SPATA31G1: variants seen among roughly 807,000 people sequenced by gnomAD.
SPATA31G1 encodes SPATA31 subfamily G member 1.
the SPATA31G1 span, chr9:35,044,065 T>C: frequency 1.2e-6 from 2 of 1,614,034 alleles, no homozygotes; most frequent in Non-Finnish European, 1.7e-6. Flanking sequence ...TCAGTCCCTC[T>C]CCTGGAGTCT....
At chr9:35,044,082 A>T in the SPATA31G1 span, 1 of 1,614,064 alleles carries the variant, frequency 6.2e-7, no homozygotes. Context: ...GTCTCTAGTA[A>T]TGGGCCCCCA....
chr9:35,044,920 C>A, the SPATA31G1 span: 1 of 1,614,186 alleles, frequency 6.2e-7, no homozygotes, highest in Non-Finnish European at 8.5e-7. Flanking sequence ...GCCCCACTCT[C>A]CCAGAGATGG....
chr9:35,044,569 C>T, the SPATA31G1 span: 1 of 1,614,078 alleles, frequency 6.2e-7, no homozygotes. Context: ...GGCTCCAGCC[C>T]ATCCTCAAAC....
the SPATA31G1 span, chr9:35,043,161 G>A: frequency 1.1e-5 from 17 of 1,614,082 alleles, no homozygotes; most frequent in Non-Finnish European, 1.4e-5. Flanking sequence ...CAGCTTTCCT[G>A]TGAGGCACAA....
chr9:35,044,543 T>C, the SPATA31G1 span: 2 of 1,614,204 alleles, frequency 1.2e-6, no homozygotes, highest in Non-Finnish European at 1.7e-6. Context: ...ACTGTGTTCC[T>C]GTGTTCCCAG....
At chr9:35,042,896 T>G in the SPATA31G1 span, 1 of 1,614,110 alleles carries the variant, frequency 6.2e-7, no homozygotes, top group Non-Finnish European at 8.5e-7. Flanking sequence ...CCTTCCTTGA[T>G]CACCTGTGTA....
At chr9:35,043,330 C>T in the SPATA31G1 span, 2 of 1,614,084 alleles carry the variant, frequency 1.2e-6, no homozygotes, top group African/African-American at 2.7e-5. Flanking sequence ...AACAAGCTTG[C>T]CTTCCTACCT....
chr9:35,043,742 C>T, the SPATA31G1 span: 20 of 1,614,042 alleles, frequency 1.2e-5, no homozygotes, highest in Admixed American at 3.3e-5. Context: ...TCTGGGGAAC[C>T]GTGGGATACA....
chr9:35,044,453 C>A, the SPATA31G1 span: 8 of 1,614,140 alleles, frequency 5.0e-6, no homozygotes, highest in African/African-American at 4.0e-5. Context: ...GTAACTTACC[C>A]CAAGACCTGC....
the SPATA31G1 span, chr9:35,042,143 G>C: frequency 1.4e-6 from 2 of 1,457,704 alleles, no homozygotes; most frequent in East Asian, 5.0e-5. Context: ...ATTTTTTTTG[G>C]TTCTAAATTC....
chr9:35,044,979 A>G, the SPATA31G1 span: 3 of 1,614,150 alleles, frequency 1.9e-6, no homozygotes, highest in East Asian at 6.7e-5. Context: ...CTGGCAGTGG[A>G]GTAGAGAGCT....
chr9:35,045,449 C>G, the SPATA31G1 span: 1 of 1,614,108 alleles, frequency 6.2e-7, no homozygotes, highest in Non-Finnish European at 8.5e-7. Context: ...CAGCCTCATC[C>G]TCAGCCAAAA....
chr9:35,044,158 C>T, the SPATA31G1 span: 1 of 1,614,048 alleles, frequency 6.2e-7, no homozygotes, highest in East Asian at 2.2e-5. Context: ...CTCTGGGCAT[C>T]TGATTCCCCA....
At chr9:35,045,490 G>A in the SPATA31G1 span, 1 of 1,614,092 alleles carries the variant, frequency 6.2e-7, no homozygotes. Context: ...CCCAAAGCAG[G>A]AGACCATAGA....
chr9:35,041,185 AACAGGCTATG>A, the SPATA31G1 span: 1 of 450,184 alleles, frequency 2.2e-6, no homozygotes, highest in South Asian at 1.6e-5. Flanking sequence ...AAGGAAGAGG[AACAGGCTATG>A]ACCTAATGCT....
At chr9:35,044,095 G>A in the SPATA31G1 span, 1 of 1,614,086 alleles carries the variant, frequency 6.2e-7, no homozygotes, top group East Asian at 2.2e-5. Flanking sequence ...GGCCCCCAGG[G>A]AGTCCTGTCT....
At chr9:35,044,889 T>G in the SPATA31G1 span, 2 of 1,613,996 alleles carry the variant, frequency 1.2e-6, no homozygotes, top group African/African-American at 2.7e-5. Context: ...GGGAGTAACG[T>G]GCCCAGGGGT....
the SPATA31G1 span, chr9:35,045,668 G>A: frequency 7.4e-6 from 12 of 1,613,970 alleles, no homozygotes; most frequent in East Asian, 6.7e-5. Flanking sequence ...CCAAAGCTTC[G>A]GGTCCCCAGG....
chr9:35,044,878 A>C, the SPATA31G1 span: 3 of 1,614,044 alleles, frequency 1.9e-6, no homozygotes, highest in Non-Finnish European at 2.5e-6. Flanking sequence ...GGTCTACCCA[A>C]GGGAGTAACG....
Sources: allele counts gnomAD v4.1 joint callset, GRCh38; gene constraint gnomAD v4.1.1; transcripts MANE v1.5; gene names NCBI Gene and HGNC (gene_info 2026-07-23, HGNC 2026-07-21).